SETD3: variants seen among roughly 807,000 people sequenced by gnomAD.
The protein encoded by SETD3 is SET domain containing 3, actin N3(tau)-histidine methyltransferase.
A neutral mutation model predicts 63.0 loss-of-function variants in SETD3; 19 were observed. The observed-to-expected ratio is 0.30, with a 90% CI of 0.21 to 0.44. SETD3 has a LOEUF of 0.44. Among genes scored for constraint, SETD3 ranks in the 20% least tolerant of loss-of-function variants. The pLI, the probability that SETD3 is intolerant of heterozygous loss-of-function variation, is 1.00. For synonymous variants in SETD3, 286 were observed against 264.1 expected, an observed-to-expected ratio of 1.08 and a Z score of -0.80; for missense variants, 587 against 728.5, an observed-to-expected ratio of 0.81 and a Z score of 2.24.
At chr14:99,416,158 T>C (rs1156836508) in intron 6 of SETD3, among the ~76,000 whole-genome samples, 1 of 152,216 alleles carries the variant, frequency 6.6e-6, no homozygotes, top group African/African-American at 2.4e-5. Flanking sequence ...GTTTTACTTA[T>C]TCTGAAGAAT....
chr14:99,440,566 T>G (rs920742450), intron 6 of SETD3, among the ~76,000 whole-genome samples: 7 of 152,064 alleles, frequency 4.6e-5, no homozygotes, highest in East Asian at 1.9e-4. Flanking sequence ...TAAGTCTCAC[T>G]GCGGTCAGTG....
In SETD3 at chr14:99,441,349, A is replaced by C. The variant is rs756263446; in HGVS notation, c.675+16930T>G. Among the ~76,000 whole-genome samples the C allele has an allele frequency of 2.6e-5, 4 of 152,226 alleles. 1 individual carries two copies. The highest frequency in any genetic ancestry group is 5.9e-5 in the Non-Finnish European group (4 of 68,038). ...CACACGTGACTTACACGTAGAGAAC[A>C]AGGCAATCAGTTCCCCATTCAACCA... is the stretch of plus-strand genomic sequence containing the variant. On this transcript the variant is annotated intron_variant, in intron 6 of 12. Coordinates refer to ENST00000331768, the MANE Select transcript of SETD3 (RefSeq NM_032233.3).
chr14:99,424,442 G>C (rs1181813102), intron 6 of SETD3, among the ~76,000 whole-genome samples: 1 of 152,216 alleles, frequency 6.6e-6, no homozygotes, highest in Admixed American at 6.5e-5. Context: ...GGGAGAGCCA[G>C]GCTGCTGGGG....
intron 11 of SETD3, among the ~76,000 whole-genome samples, chr14:99,403,855 T>G (rs1212171016): frequency 6.6e-6 from 1 of 152,192 alleles, no homozygotes; most frequent in African/African-American, 2.4e-5. Flanking sequence ...CATCACAGCA[T>G]CAACTGATCC....
intron 6 of SETD3, among the ~76,000 whole-genome samples, chr14:99,430,286 A>C (rs1893101514): frequency 6.6e-6 from 1 of 152,180 alleles, no homozygotes; most frequent in African/African-American, 2.4e-5. Flanking sequence ...TGAATTTCAC[A>C]CTGAGGTTTC....
At chr14:99,462,320 G>A (rs1430003646) in intron 3 of SETD3, among the ~76,000 whole-genome samples, 2 of 152,170 alleles carry the variant, frequency 1.3e-5, no homozygotes, top group East Asian at 3.8e-4. Flanking sequence ...AAACTATTCT[G>A]TTTGGATGAA....
chr14:99,433,960 T>A lies in SETD3; in HGVS notation c.676-20026A>T, dbSNP rs1209955216. Among the ~76,000 whole-genome samples the A allele has an allele frequency of 3.9e-5, 6 of 152,122 alleles. 1 individual carries two copies. Reference sequence around the variant, plus strand: ...GATGCTTGTGGATAGCTGGTGCGAGTGTAAATTGGTGTAACCACTTCAGAG... The same window carrying A: ...GATGCTTGTGGATAGCTGGTGCGAGAGTAAATTGGTGTAACCACTTCAGAG... On this transcript the variant is annotated intron_variant, in intron 6 of 12. Transcript: ENST00000331768.
intron 6 of SETD3, among the ~76,000 whole-genome samples, chr14:99,441,624 C>A (rs957607450): frequency 6.6e-6 from 1 of 152,236 alleles, no homozygotes; most frequent in African/African-American, 2.4e-5. Context: ...GGGAAGCCTG[C>A]AGCAGGCAGG....
intron 6 of SETD3, among the ~76,000 whole-genome samples, chr14:99,433,165 T>G (rs1241217642): frequency 6.6e-6 from 1 of 151,946 alleles, no homozygotes; most frequent in Non-Finnish European, 1.5e-5. Flanking sequence ...GAGTTTCTGT[T>G]TGGGGGGATT....
At chr14:99,408,762 CTTT>C (rs1891818643) in intron 8 of SETD3, among the ~76,000 whole-genome samples, 1 of 152,204 alleles carries the variant, frequency 6.6e-6, no homozygotes, top group African/African-American at 2.4e-5. Context: ...TGTCTAACTT[CTTT>C]GTGTGGCACT....
At chr14:99,404,834 A>G (rs1212228006) in intron 10 of SETD3, among the ~76,000 whole-genome samples, 1 of 152,218 alleles carries the variant, frequency 6.6e-6, no homozygotes, top group East Asian at 1.9e-4. Context: ...TCTTGAAATC[A>G]CTGAGGATCA....
At chr14:99,477,636 C>T (rs1302635487) in intron 1 of SETD3, among the ~76,000 whole-genome samples, 1 of 151,732 alleles carries the variant, frequency 6.6e-6, no homozygotes, top group South Asian at 2.1e-4. Context: ...TGCCTGTAAT[C>T]CCAGCTGCTC....
At chr14:99,420,236 C>T (rs1253349520) in intron 6 of SETD3, among the ~76,000 whole-genome samples, 1 of 152,196 alleles carries the variant, frequency 6.6e-6, no homozygotes, top group Non-Finnish European at 1.5e-5. Flanking sequence ...GCATCTCTTC[C>T]CCTCCAGTCC....
chr14:99,484,524 A>G (rs762525580), upstream of SETD3, among the ~76,000 whole-genome samples: 4 of 152,260 alleles, frequency 2.6e-5, no homozygotes, highest in African/African-American at 7.2e-5. Flanking sequence ...AAGACAATCA[A>G]TAGATAAGGG....
intron 6 of SETD3, among the ~76,000 whole-genome samples, chr14:99,424,682 G>A (rs1209979803): frequency 6.6e-6 from 1 of 152,134 alleles, no homozygotes; most frequent in Non-Finnish European, 1.5e-5. Context: ...TTCCTCAGAG[G>A]GAGGGGAGGA....
chr14:99,409,684 A>G (rs1370905259), intron 8 of SETD3: 1 of 150,052 alleles, frequency 6.7e-6, no homozygotes, highest in Non-Finnish European at 1.5e-5. Context: ...TGTTTTTCAA[A>G]TTTTCTTCCA....
At chr14:99,433,540 C>T (rs569894015) in intron 6 of SETD3, among the ~76,000 whole-genome samples, 15 of 151,996 alleles carry the variant, frequency 9.9e-5, no homozygotes, top group South Asian at 2.1e-4. Flanking sequence ...CAGGTTTAAG[C>T]GATTCTCCTG....
intron 11 of SETD3, among the ~76,000 whole-genome samples, chr14:99,403,230 C>T (rs764535275): frequency 6.6e-6 from 1 of 152,148 alleles, no homozygotes; most frequent in Non-Finnish European, 1.5e-5. Flanking sequence ...TGGATCCAGA[C>T]ATTAAAACCA....
intron 6 of SETD3, among the ~76,000 whole-genome samples, chr14:99,430,193 GCT>G (rs954704911): frequency 3.9e-5 from 6 of 152,174 alleles, no homozygotes; most frequent in African/African-American, 1.4e-4. Flanking sequence ...AAAGATCTCT[GCT>G]CTCTGAATAA....
Sources: gnomAD v4.1 joint callset for allele counts (sites outside exome capture counted in the v4.1 genomes callset) on GRCh38, gnomAD v4.1.1 for gene constraint, MANE v1.5 for transcripts, NCBI Gene and HGNC (gene_info 2026-07-23, HGNC 2026-07-21) for gene names.